PWWP2A: variants seen among roughly 807,000 people sequenced by gnomAD.
PWWP2A encodes the protein PWWP domain containing 2A, also known as PWWP domain-containing protein 2A.
PWWP2A carries 18 observed loss-of-function variants against 48.5 expected under a neutral mutation model. The ratio of observed to expected loss-of-function variants is 0.37; its 90% confidence interval spans 0.26 to 0.55. The LOEUF is 0.55. Among genes scored for constraint, PWWP2A ranks in the 20% least tolerant of loss-of-function variants. The pLI is 0.81. For synonymous variants in PWWP2A, 396 were observed against 387.7 expected (o/e 1.02, Z -0.25); for missense variants, 867 against 976.4 (o/e 0.89, Z 1.49).
At chr5:160,065,071 A>G in intron 4 of PWWP2A, 1 of 1,608,356 alleles carries the variant, frequency 6.2e-7, no homozygotes, top group Non-Finnish European at 8.5e-7. Flanking sequence ...GATAACAAAG[A>G]TAACAAAAGC....
At chr5:160,076,955 A>G (rs1753917598) in exon 4 of PWWP2A, 1 of 152,224 alleles carries the variant, frequency 6.6e-6, no homozygotes, top group Admixed American at 6.5e-5. Context: ...ATTATTATTA[A>G]AAGTACGGCA....
At chr5:160,082,401 G>A (rs1561656175) in intron 2 of PWWP2A, among the ~76,000 whole-genome samples, 1 of 150,174 alleles carries the variant, frequency 6.7e-6, no homozygotes, top group Non-Finnish European at 1.5e-5. Context: ...CCGAGATCGC[G>A]CCACTGCACT....
chr5:160,087,449 T>C (rs1754730042), downstream of PWWP2A, among the ~76,000 whole-genome samples: 1 of 151,156 alleles, frequency 6.6e-6, no homozygotes, highest in Non-Finnish European at 1.5e-5. Context: ...TTTCCTTGTA[T>C]AGGACTACAG....
the PWWP2A span, among the ~76,000 whole-genome samples, chr5:160,046,947 G>T: frequency 6.6e-6 from 1 of 152,258 alleles, no homozygotes; most frequent in Admixed American, 6.5e-5. Context: ...GGGAGGTGGA[G>T]GTTGCAGTGA....
the PWWP2A span, among the ~76,000 whole-genome samples, chr5:160,055,852 G>A: frequency 6.6e-6 from 1 of 152,242 alleles, no homozygotes; most frequent in Admixed American, 6.5e-5. Flanking sequence ...TGTAGCTGCA[G>A]CAGAGAAAAA....
rs527660312 is a variant in PWWP2A, at chr5:160,064,327, C to T, written c.*237-654G>A. Among the ~76,000 whole-genome samples the T allele has an allele frequency of 1.6e-4, 24 of 152,224 alleles. 1 individual carries two copies. Among genetic ancestry groups the T allele is most frequent in the African/African-American group, 4.6e-4 (19 of 41,546 alleles). ...TGAAACTTGGGAAGAGGAGGCTGGA[C>T]TATTGAGGTCTTATTGAGGTTGCTG... On this transcript the variant is annotated intron_variant and NMD_transcript_variant, in intron 4 of 5. Transcript: ENST00000524050.
At chr5:160,073,445 T>C (rs1753793061), downstream of PWWP2A, among the ~76,000 whole-genome samples, 1 of 151,900 alleles carries the variant, frequency 6.6e-6, no homozygotes, top group African/African-American at 2.4e-5. Context: ...GCCAGGATGG[T>C]CTCGATCTCC....
At chr5:160,073,004 CAAAAAAAAAAAAAAAAA>C (rs35836307), downstream of PWWP2A, among the ~76,000 whole-genome samples, 6 of 58,858 alleles carry the variant, frequency 1.0e-4, no homozygotes, top group East Asian at 6.0e-4. Context: ...GGCTCCGTCT[CAAAAAAAAAAAAAAAAA>C]AAAAAAAAAA....
chr5:160,102,397 CAAAAAAAAAA>C (rs70988002), intron 1 of PWWP2A, among the ~76,000 whole-genome samples: 1 of 64,220 alleles, frequency 1.6e-5, no homozygotes, highest in African/African-American at 6.5e-5. Flanking sequence ...GACTCCATCT[CAAAAAAAAAA>C]AAAAAAAAAA....
At chr5:160,074,064 CAAA>C (rs57010218), downstream of PWWP2A, among the ~76,000 whole-genome samples, 13 of 71,612 alleles carry the variant, frequency 1.8e-4, no homozygotes, top group African/African-American at 5.1e-4. Context: ...GACTCCGTTT[CAAA>C]AAAAAAAAAA....
intron 1 of PWWP2A, 87 bp downstream of exon 1, chr5:160,118,718 C>T: frequency 1.6e-6 from 2 of 1,263,916 alleles, no homozygotes; most frequent in Non-Finnish European, 1.0e-6. Flanking sequence ...AGCGGGGAAG[C>T]GAGGGCTCGG....
At chr5:160,108,759 T>TAC in intron 1 of PWWP2A, 1 of 400,022 alleles carries the variant, frequency 2.5e-6, no homozygotes, top group Non-Finnish European at 4.9e-6. Flanking sequence ...TACCCCCATG[T>TAC]ACACACACAC....
intron 1 of PWWP2A, among the ~76,000 whole-genome samples, chr5:160,106,774 CAT>C (rs1216285272): frequency 4.7e-5 from 7 of 147,670 alleles, no homozygotes; most frequent in African/African-American, 1.8e-4. Flanking sequence ...CCACATGATA[CAT>C]TGCTTAGTTT....
At chr5:160,050,305 G>A in the PWWP2A span, among the ~76,000 whole-genome samples, 58 of 151,832 alleles carry the variant, frequency 3.8e-4, no homozygotes, top group Non-Finnish European at 4.1e-4. Flanking sequence ...AAATTAGCTG[G>A]GTGTGGTGGC....
At chr5:160,104,053 G>A (rs1756591577) in intron 1 of PWWP2A, among the ~76,000 whole-genome samples, 2 of 140,890 alleles carry the variant, frequency 1.4e-5, no homozygotes, top group Non-Finnish European at 3.0e-5. Context: ...GAACCTGGGA[G>A]GCGGAGGTTG....
chr5:160,049,729 A>G, the PWWP2A span: 5 of 1,279,498 alleles, frequency 3.9e-6, no homozygotes, highest in Non-Finnish European at 5.2e-6. Flanking sequence ...TGAGTCCTAA[A>G]TAATCCTTTC....
chr5:160,118,971 C>G lies in PWWP2A; in HGVS notation c.418G>C (p.Ala140Pro), dbSNP rs1381486626. 1 of 1,597,974 alleles carries G rather than the reference C, an allele frequency of 6.3e-7. No individual in the cohort carries two copies. Among genetic ancestry groups the G allele is most frequent in the East Asian group, 2.3e-5 (1 of 43,074 alleles). ...CCCGCCGGCGGCACGAGCGCCGGGGCTACGGGCTGAGGCAGCGGCGGCTCC... is the reference window on the plus strand; with the variant it reads ...CCCGCCGGCGGCACGAGCGCCGGGGGTACGGGCTGAGGCAGCGGCGGCTCC... ...REEPPLPQPV[A>P]PALVPPAGGD... The change falls in exon 1 of 2, where the codon GCC (alanine) becomes CCC (proline). Residue 140 changes from alanine (A) to proline (P), a missense_variant. Transcript: ENST00000307063.
intron 2 of PWWP2A, among the ~76,000 whole-genome samples, chr5:160,069,855 G>T (rs1322499565): frequency 6.6e-6 from 1 of 152,002 alleles, no homozygotes; most frequent in Admixed American, 6.6e-5. Flanking sequence ...TTGCATCTTG[G>T]ATATTTCCAA....
chr5:160,088,991 TC>T (rs1754855732), downstream of PWWP2A, among the ~76,000 whole-genome samples: 5 of 152,200 alleles, frequency 3.3e-5, no homozygotes, highest in South Asian at 8.3e-4. Context: ...GAAGATATAT[TC>T]ATTTTGTTGA....
Sources: gnomAD v4.1 joint callset for allele counts (sites outside exome capture counted in the v4.1 genomes callset) on GRCh38, gnomAD v4.1.1 for gene constraint, MANE v1.5 for transcripts, NCBI Gene and HGNC (gene_info 2026-07-23, HGNC 2026-07-21) for gene names.